Variants in WWOX observed in about 807,000 individuals in gnomAD.
WWOX encodes WW domain containing oxidoreductase.
WWOX carries 69 observed loss-of-function variants against 46.2 expected under a neutral mutation model. The ratio of observed to expected loss-of-function variants is 1.49; its 90% confidence interval spans 1.23 to 1.82. The LOEUF is 1.82. Among genes scored for constraint, WWOX ranks in the 40% most tolerant of loss-of-function variants. The pLI, the probability that WWOX is intolerant of heterozygous loss-of-function variation, is 0.00. For synonymous variants in WWOX, 359 were observed against 202.6 expected (o/e 1.77, Z -6.56); for missense variants, 919 against 542.6 (o/e 1.69, Z -6.89).
intron 5 of WWOX, among the ~76,000 whole-genome samples, chr16:78,227,303 T>C (rs570279269): frequency 6.6e-6 from 1 of 152,326 alleles, no homozygotes; most frequent in Admixed American, 6.5e-5. Flanking sequence ...TTTTATCTTC[T>C]GAGCCAAGGC....
chr16:79,005,955 A>T (rs572308384), intron 8 of WWOX, among the ~76,000 whole-genome samples: 1 of 152,258 alleles, frequency 6.6e-6, no homozygotes, highest in East Asian at 1.9e-4. Flanking sequence ...CTGGTTACCC[A>T]CTGGCCATTC....
chr16:78,177,339 G>C (rs886969922), intron 5 of WWOX, among the ~76,000 whole-genome samples: 4 of 152,180 alleles, frequency 2.6e-5, no homozygotes, highest in African/African-American at 9.7e-5. Context: ...GGTGACACAA[G>C]ATAGTCTAGA....
intron 5 of WWOX, among the ~76,000 whole-genome samples, chr16:78,183,244 G>A (rs1166693572): frequency 1.3e-5 from 2 of 152,146 alleles, no homozygotes; most frequent in Admixed American, 6.5e-5. Flanking sequence ...ACCCACTAGG[G>A]GTCTATGTGT....
chr16:78,238,970 G>A (rs534581114), intron 5 of WWOX, among the ~76,000 whole-genome samples: 1 of 151,348 alleles, frequency 6.6e-6, no homozygotes, highest in Non-Finnish European at 1.5e-5. Flanking sequence ...AGGGTTTGAT[G>A]TGCTCTTGTC....
intron 8 of WWOX, among the ~76,000 whole-genome samples, chr16:78,972,429 C>A (rs1336690845): frequency 1.4e-5 from 2 of 146,584 alleles, no homozygotes; most frequent in Admixed American, 6.8e-5. Context: ...AAATTAAAAG[C>A]AGTAGAAATA....
chr16:78,840,412 A>G (rs909433094), intron 8 of WWOX, among the ~76,000 whole-genome samples: 8 of 152,188 alleles, frequency 5.3e-5, no homozygotes, highest in African/African-American at 1.4e-4. Context: ...CCCACAGTCA[A>G]TGCAAAAGTC....
At chr16:78,123,428 G>GTTTTTT (rs1330107026) in intron 4 of WWOX, 6 of 61,048 alleles carry the variant, frequency 9.8e-5, no homozygotes, top group East Asian at 5.1e-4. Context: ...TTTTTTCTTT[G>GTTTTTT]TTTTTTGTTT....
chr16:78,771,378 G>A (rs913821097), intron 8 of WWOX, among the ~76,000 whole-genome samples: 9 of 152,196 alleles, frequency 5.9e-5, no homozygotes, highest in Non-Finnish European at 1.0e-4. Flanking sequence ...GTTCAAAGGT[G>A]GTTATTACTG....
At chr16:78,897,251 A>AC in intron 8 of WWOX, 1 of 149,670 alleles carries the variant, frequency 6.7e-6, no homozygotes, top group African/African-American at 2.4e-5. Flanking sequence ...AAAAAAAAAA[A>AC]AAAAAAAAAA....
At chr16:78,610,043 C>T (rs1001260905) in intron 8 of WWOX, among the ~76,000 whole-genome samples, 2 of 143,030 alleles carry the variant, frequency 1.4e-5, no homozygotes, top group Middle Eastern at 4.0e-3. Context: ...CGCTGAATGT[C>T]CGATTGCGAT....
chr16:79,058,068 A>C (rs1356921033), intron 8 of WWOX, among the ~76,000 whole-genome samples: 2 of 150,904 alleles, frequency 1.3e-5, no homozygotes, highest in Non-Finnish European at 2.9e-5. Context: ...CTCCACACTA[A>C]TGTGTGAGCT....
intron 8 of WWOX, among the ~76,000 whole-genome samples, chr16:78,616,492 T>C (rs1253125596): frequency 6.6e-6 from 1 of 151,128 alleles, no homozygotes; most frequent in Non-Finnish European, 1.5e-5. Context: ...CCAGGAGTGG[T>C]GGCTCACACC....
chr16:78,501,183 C>CT, intron 8 of WWOX, among the ~76,000 whole-genome samples: 2 of 54,240 alleles, frequency 3.7e-5, no homozygotes, highest in African/African-American at 9.9e-5. Flanking sequence ...CTTTCTCTCT[C>CT]TTTCTTTCTC....
At chr16:78,886,284 TAA>T (rs550454378) in intron 8 of WWOX, among the ~76,000 whole-genome samples, 2 of 144,532 alleles carry the variant, frequency 1.4e-5, no homozygotes, top group Non-Finnish European at 1.5e-5. Context: ...ATTTTTTCTT[TAA>T]AAAAAAAAAG....
intron 8 of WWOX, among the ~76,000 whole-genome samples, chr16:78,633,795 C>CG (rs1374824125): frequency 6.6e-6 from 1 of 152,146 alleles, no homozygotes; most frequent in East Asian, 1.9e-4. Context: ...CGGTGCAACC[C>CG]GGGCTGTGTT....
At chr16:79,046,571 A>G (rs1462643481) in intron 8 of WWOX, among the ~76,000 whole-genome samples, 1 of 152,056 alleles carries the variant, frequency 6.6e-6, no homozygotes, top group Non-Finnish European at 1.5e-5. Context: ...AGGGTGAGAG[A>G]GCTCACCGGG....
intron 8 of WWOX, among the ~76,000 whole-genome samples, chr16:78,705,697 C>CT (rs553229069): frequency 1.1e-3 from 174 of 152,280 alleles, no homozygotes; most frequent in African/African-American, 3.8e-3. Context: ...TATTTATTTG[C>CT]TTTTTTACTT....
chr16:78,194,918 A>G (rs969629996), intron 5 of WWOX, among the ~76,000 whole-genome samples: 3 of 152,204 alleles, frequency 2.0e-5, no homozygotes, highest in Non-Finnish European at 2.9e-5. Context: ...CTCCAGTAGA[A>G]TGTGCGTTCT....
At chr16:78,762,815 T>A (rs767146221) in intron 8 of WWOX, among the ~76,000 whole-genome samples, 1 of 152,166 alleles carries the variant, frequency 6.6e-6, no homozygotes, top group Non-Finnish European at 1.5e-5. Flanking sequence ...ATCTGTAATA[T>A]GGGGAATCAT....
Sources: allele counts gnomAD v4.1 joint callset (sites outside exome capture counted in the v4.1 genomes callset), GRCh38; gene constraint gnomAD v4.1.1; transcripts MANE v1.5; gene names NCBI Gene and HGNC (gene_info 2026-07-23, HGNC 2026-07-21).